The following BTC variants were observed in gnomAD, a reference collection of about 807,000 sequenced individuals.
BTC encodes the protein betacellulin, also known as probetacellulin.
BTC carries 13 observed loss-of-function variants against 18.1 expected under a neutral mutation model. The ratio of observed to expected loss-of-function variants is 0.72; its 90% CI spans 0.47 to 1.14. The LOEUF is 1.14. Among genes scored for constraint, BTC ranks in the 50% most tolerant of loss-of-function variants. The pLI, the probability that BTC is intolerant of heterozygous loss-of-function variation, is 0.00. For synonymous variants in BTC, 83 were observed against 79.4 expected, an observed-to-expected ratio of 1.05 and a Z score of -0.24; for missense variants, 247 against 224.2, an observed-to-expected ratio of 1.10 and a Z score of -0.65.
At chr4:74,766,667 T>C (rs1724910497) in intron 2 of BTC, among the ~76,000 whole-genome samples, 1 of 152,060 alleles carries the variant, frequency 6.6e-6, no homozygotes, top group Non-Finnish European at 1.5e-5. Context: ...CACTAGTGAA[T>C]TCTATCAAAC....
chr4:74,753,425 T>C (rs906032467), intron 3 of BTC, among the ~76,000 whole-genome samples: 3 of 152,222 alleles, frequency 2.0e-5, no homozygotes, highest in Non-Finnish European at 4.4e-5. Flanking sequence ...CTCAAGTTCA[T>C]GCTCTTAACT....
At chr4:74,787,548 T>C (rs1436450455) in intron 1 of BTC, among the ~76,000 whole-genome samples, 1 of 152,194 alleles carries the variant, frequency 6.6e-6, no homozygotes, top group Admixed American at 6.6e-5. Context: ...TGAATTTTAA[T>C]CCAATTGCTT....
intron 1 of BTC, 143 bp downstream of exon 1, chr4:74,794,119 A>T: frequency 9.6e-7 from 1 of 1,046,104 alleles, no homozygotes; most frequent in Non-Finnish European, 1.4e-6. Context: ...GCGCTCTCCC[A>T]GCCTTCAAAG....
At chr4:74,756,725 T>C (rs540565641) in intron 2 of BTC, among the ~76,000 whole-genome samples, 18 of 152,324 alleles carry the variant, frequency 1.2e-4, no homozygotes, top group African/African-American at 4.3e-4. Flanking sequence ...ATTTGGCCCA[T>C]GAATTCGTTC....
chr4:74,761,942 T>A (rs1283248636), intron 2 of BTC, among the ~76,000 whole-genome samples: 2 of 152,200 alleles, frequency 1.3e-5, no homozygotes, highest in Admixed American at 6.5e-5. Flanking sequence ...ACATTACTCA[T>A]TACCTCTCTT....
At position 74,794,491 on chromosome 4, in the gene BTC, A is replaced by G; in HGVS notation, c.-166T>C. On this transcript the variant is annotated 5_prime_UTR_variant, in exon 1 of 6. Coordinates refer to ENST00000395743, the MANE Select transcript of BTC (RefSeq NM_001729.4). ...CACCCTGGCTACAAGGCAGGGAAAC[A>G]CCCAGGGCGGGAGGCCGGCCGGCTC... 5.1e-6 allele frequency: 4 copies of G among 786,294 alleles called. No homozygotes were observed. The highest frequency in any genetic ancestry group is 5.2e-4 in the Middle Eastern group (2 of 3,824). 48.7% of individuals were successfully genotyped at this position (786,294 alleles called of 1,614,324 possible).
chr4:74,775,500 G>C (rs888001919), intron 1 of BTC, among the ~76,000 whole-genome samples: 1 of 152,060 alleles, frequency 6.6e-6, no homozygotes, highest in Non-Finnish European at 1.5e-5. Context: ...AAAACTAAAA[G>C]TATTAAAATT....
chr4:74,777,491 T>C (rs1436579137), intron 1 of BTC, among the ~76,000 whole-genome samples: 1 of 152,194 alleles, frequency 6.6e-6, no homozygotes, highest in African/African-American at 2.4e-5. Context: ...AAAATATGTT[T>C]CTGATATAAA....
At chr4:74,786,964 A>G (rs1327596812) in intron 1 of BTC, among the ~76,000 whole-genome samples, 3 of 145,554 alleles carry the variant, frequency 2.1e-5, no homozygotes, top group Non-Finnish European at 4.4e-5. Flanking sequence ...AACAAGAAAT[A>G]CAATTTTTTT....
chr4:74,793,925 G>T (rs931791008), intron 1 of BTC, among the ~76,000 whole-genome samples: 13 of 88,880 alleles, frequency 1.5e-4, no homozygotes, highest in East Asian at 3.3e-4. Flanking sequence ...GCCTCACCCC[G>T]GTGGACAGCC....
chr4:74,782,225 C>T (rs560228389), intron 1 of BTC, among the ~76,000 whole-genome samples: 58 of 152,178 alleles, frequency 3.8e-4, no homozygotes, highest in Non-Finnish European at 7.6e-4. Context: ...AGGTATTAAG[C>T]TCAACGTCCA....
chr4:74,760,828 G>A (rs1197410830), intron 2 of BTC, among the ~76,000 whole-genome samples: 5 of 151,234 alleles, frequency 3.3e-5, no homozygotes, highest in Non-Finnish European at 5.9e-5. Flanking sequence ...TCCGCCTCCC[G>A]GGTTCACGCC....
chr4:74,785,962 CA>C (rs1179525196), intron 1 of BTC, among the ~76,000 whole-genome samples: 1 of 152,160 alleles, frequency 6.6e-6, no homozygotes, highest in Non-Finnish European at 1.5e-5. Context: ...ACATATTACA[CA>C]ACTGTTCTGC....
At chr4:74,783,018 G>C (rs942483383) in intron 1 of BTC, among the ~76,000 whole-genome samples, 6 of 152,164 alleles carry the variant, frequency 3.9e-5, no homozygotes, top group Non-Finnish European at 5.9e-5. Flanking sequence ...CAGATTGATA[G>C]ATTGCAAAAT....
At chr4:74,783,135 T>TGCAATTGCTTTTGGTGTTTTTGTC (rs1310503592) in intron 1 of BTC, among the ~76,000 whole-genome samples, 5 of 152,246 alleles carry the variant, frequency 3.3e-5, no homozygotes, top group African/African-American at 1.2e-4. Flanking sequence ...TTGCTTTTGT[T>TGCAATTGCTTTTGGTGTTTTTGTC]GCAATTGCTT....
At chr4:74,763,045 C>T (rs1230568066) in intron 2 of BTC, among the ~76,000 whole-genome samples, 1 of 152,124 alleles carries the variant, frequency 6.6e-6, no homozygotes, top group African/African-American at 2.4e-5. Flanking sequence ...TCTGGTTTCT[C>T]ATTGATTTCT....
intron 1 of BTC, among the ~76,000 whole-genome samples, chr4:74,781,286 C>T (rs1725317461): frequency 6.6e-6 from 1 of 151,972 alleles, no homozygotes; most frequent in Non-Finnish European, 1.5e-5. Flanking sequence ...ACAGGGGAAA[C>T]CTTGGTTGAA....
intron 2 of BTC, among the ~76,000 whole-genome samples, chr4:74,766,648 A>C (rs1724910022): frequency 6.6e-6 from 1 of 152,110 alleles, no homozygotes; most frequent in South Asian, 2.1e-4. Flanking sequence ...GCCAGGGCCC[A>C]GATGCCTCCA....
intron 2 of BTC, among the ~76,000 whole-genome samples, chr4:74,768,218 C>T (rs902250568): frequency 6.6e-6 from 1 of 152,004 alleles, no homozygotes; most frequent in Non-Finnish European, 1.5e-5. Context: ...TACACATATC[C>T]AAAATACATA....
Sources: gnomAD v4.1 joint callset for allele counts (sites outside exome capture counted in the v4.1 genomes callset) on GRCh38, gnomAD v4.1.1 for gene constraint, MANE v1.5 for transcripts, NCBI Gene and HGNC (gene_info 2026-07-23, HGNC 2026-07-21) for gene names.